MYLK4: variants seen among roughly 807,000 people sequenced by gnomAD.
MYLK4 encodes the protein myosin light chain kinase family member 4.
In MYLK4, 46 loss-of-function variants were observed where a neutral mutation model predicts 48.1. The ratio of observed to expected loss-of-function variants is 0.96; its 90% CI spans 0.75 to 1.22. The LOEUF (loss-of-function observed/expected upper bound fraction) is 1.22, where lower values mean the gene tolerates loss of function less well. MYLK4 is among the 50% of genes most tolerant of loss of function. The pLI is 0.00. For missense variants in MYLK4, 451 were observed against 486.1 expected (o/e 0.93, Z 0.68); for synonymous variants, 170 against 180.8 (o/e 0.94, Z 0.48).
chr6:2,764,638 C>G, the MYLK4 span, among the ~76,000 whole-genome samples: 3 of 152,194 alleles, frequency 2.0e-5, no homozygotes, highest in Non-Finnish European at 2.9e-5. Flanking sequence ...CTTTCCATTT[C>G]TATCCGTCTA....
intron 2 of MYLK4, among the ~76,000 whole-genome samples, chr6:2,737,334 T>C (rs1183816718): frequency 6.6e-6 from 1 of 152,116 alleles, no homozygotes; most frequent in Non-Finnish European, 1.5e-5. Context: ...AAAATAACAA[T>C]AAAACGATCC....
At chr6:2,741,606 C>T (rs1763903093) in intron 2 of MYLK4, among the ~76,000 whole-genome samples, 1 of 152,198 alleles carries the variant, frequency 6.6e-6, no homozygotes, top group Non-Finnish European at 1.5e-5. Flanking sequence ...ATAGGATTCA[C>T]TGATACCTCT....
intron 6 of MYLK4, among the ~76,000 whole-genome samples, chr6:2,684,157 C>G (rs1561837380): frequency 6.6e-6 from 1 of 152,176 alleles, no homozygotes; most frequent in South Asian, 2.1e-4. Context: ...ATTATGAAGT[C>G]AAATGATAGT....
At chr6:2,681,445 C>G (rs1166643391) in intron 7 of MYLK4, among the ~76,000 whole-genome samples, 1 of 152,138 alleles carries the variant, frequency 6.6e-6, no homozygotes, top group African/African-American at 2.4e-5. Flanking sequence ...TGGTTTCATG[C>G]TTAAATCACT....
chr6:2,683,089 A>G lies in MYLK4; in HGVS notation c.619T>C (p.Phe207Leu), dbSNP rs778618915. 17 of 1,614,028 alleles carry G rather than the reference A, an allele frequency of 1.1e-5. No individual in the cohort carries two copies. Among genetic ancestry groups the G allele is most frequent in the Admixed American group, 1.7e-5 (1 of 59,990 alleles). Reference sequence around the variant, plus strand: ...ATCCCCTCACATATCTGCTTCATGAACAGGATGGTATCAAGCTCCGTCAAA... The same window carrying G: ...ATCCCCTCACATATCTGCTTCATGAGCAGGATGGTATCAAGCTCCGTCAAA... ...YNLTELDTILFMKQICEGIRH... is the reference protein window; with the variant it reads ...YNLTELDTILLMKQICEGIRH... Residue 207 changes from phenylalanine to leucine, a missense_variant, in exon 7 of 13, where the codon TTC becomes CTC. Coordinates refer to ENST00000274643, the MANE Select transcript of MYLK4 (RefSeq NM_001012418.5).
upstream of MYLK4, among the ~76,000 whole-genome samples, chr6:2,755,540 T>A (rs982760924): frequency 2.0e-5 from 3 of 152,182 alleles, no homozygotes; most frequent in African/African-American, 7.2e-5. Flanking sequence ...TTCCGTTTAT[T>A]TTATTTTATT....
chr6:2,733,106 T>C (rs1165549033), intron 2 of MYLK4, among the ~76,000 whole-genome samples: 2 of 152,244 alleles, frequency 1.3e-5, no homozygotes, highest in Non-Finnish European at 2.9e-5. Context: ...TATATCCTTC[T>C]TCTTTTTGAA....
At chr6:2,757,015 C>A in the MYLK4 span, among the ~76,000 whole-genome samples, 1 of 152,202 alleles carries the variant, frequency 6.6e-6, no homozygotes, top group East Asian at 1.9e-4. Flanking sequence ...CTCTTCTGAC[C>A]AAATGTTGGC....
intron 2 of MYLK4, among the ~76,000 whole-genome samples, chr6:2,720,807 TA>T (rs1354187844): frequency 1.3e-5 from 2 of 151,980 alleles, no homozygotes; most frequent in Non-Finnish European, 2.9e-5. Flanking sequence ...ACAGGAAACG[TA>T]AAGGACTAGA....
chr6:2,687,322 T>C (rs1434503616), intron 4 of MYLK4, among the ~76,000 whole-genome samples: 1 of 152,186 alleles, frequency 6.6e-6, no homozygotes, highest in Non-Finnish European at 1.5e-5. Flanking sequence ...CTCTCACTTA[T>C]TTGCTGAGTG....
the MYLK4 span, among the ~76,000 whole-genome samples, chr6:2,757,076 A>G: frequency 1.3e-5 from 2 of 152,124 alleles, no homozygotes; most frequent in African/African-American, 4.8e-5. Context: ...CCACATGGAA[A>G]AACACTGCCA....
chr6:2,700,728 C>T (rs1762253398), intron 2 of MYLK4, among the ~76,000 whole-genome samples: 1 of 152,142 alleles, frequency 6.6e-6, no homozygotes, highest in African/African-American at 2.4e-5. Flanking sequence ...ACGTTGCCAA[C>T]CATGCCTCTG....
intron 2 of MYLK4, among the ~76,000 whole-genome samples, chr6:2,729,387 G>A (rs1158807258): frequency 3.3e-5 from 5 of 152,262 alleles, no homozygotes; most frequent in African/African-American, 1.2e-4. Context: ...GCCAAGGCAG[G>A]TCGGCTGTGG....
chr6:2,680,841 CA>C (rs1056165119), intron 7 of MYLK4, among the ~76,000 whole-genome samples: 2 of 152,170 alleles, frequency 1.3e-5, no homozygotes, highest in Non-Finnish European at 2.9e-5. Flanking sequence ...AGTCGTTCTT[CA>C]GTCTCAGCAG....
chr6:2,676,765 C>T (rs1264845856), intron 10 of MYLK4, among the ~76,000 whole-genome samples: 14 of 152,106 alleles, frequency 9.2e-5, no homozygotes, highest in African/African-American at 7.2e-5. Flanking sequence ...CTGAGATAGC[C>T]GTGTGACTGC....
intron 2 of MYLK4, among the ~76,000 whole-genome samples, chr6:2,718,749 A>G (rs1258973388): frequency 6.6e-6 from 1 of 152,224 alleles, no homozygotes; most frequent in East Asian, 1.9e-4. Context: ...ATGTATTACC[A>G]TTGTTCAGAT....
chr6:2,737,989 G>GGGGGGGGGA (rs796444548), intron 2 of MYLK4, among the ~76,000 whole-genome samples: 1 of 62,056 alleles, frequency 1.6e-5, no homozygotes, highest in Admixed American at 1.9e-4. Context: ...GGTGGGGGGG[G>GGGGGGGGGA]GGTGGTCAAT....
At position 2,692,853 on chromosome 6, in the gene MYLK4, C is replaced by T. The variant is rs763048546; in HGVS notation, c.166G>A (p.Glu56Lys). The change falls in exon 3 of 13, where the codon GAG becomes AAG. Residue 56 changes from glutamate (E) to lysine (K), a missense_variant. Glu to Lys is a moderately conservative substitution (Grantham distance 56). Coordinates refer to ENST00000274643, the MANE Select transcript of MYLK4 (RefSeq NM_001012418.5). ...DSRSGHNEAKEVWSNADLTER... is the reference protein window; with the variant it reads ...DSRSGHNEAKKVWSNADLTER... ...GTCAGGTCGGCGTTTGACCACACCT[C>T]CTTCGCCTGTGGAGGCACAATTGAG... The T allele has an allele frequency of 4.3e-6, 7 of 1,612,930 alleles. No homozygotes were observed. The highest frequency in any genetic ancestry group is 2.2e-5 in the East Asian group (1 of 44,880).
chr6:2,726,339 G>T (rs375318993), intron 2 of MYLK4, among the ~76,000 whole-genome samples: 1 of 152,202 alleles, frequency 6.6e-6, no homozygotes, highest in Non-Finnish European at 1.5e-5. Flanking sequence ...CAGCAGAGTC[G>T]TAGCCATTTT....
Sources: gnomAD v4.1 joint callset for allele counts (sites outside exome capture counted in the v4.1 genomes callset) on GRCh38, gnomAD v4.1.1 for gene constraint, MANE v1.5 for transcripts, NCBI Gene and HGNC (gene_info 2026-07-23, HGNC 2026-07-21) for gene names.